ACAN: variants seen among roughly 807,000 people sequenced by gnomAD.
ACAN encodes the protein aggrecan.
In ACAN, 47 loss-of-function variants were observed where a neutral mutation model predicts 169.1. That is an observed-to-expected ratio of 0.28 (90% confidence interval 0.22 to 0.35). The LOEUF is 0.35. ACAN is among the 10% of genes least tolerant of loss of function. The pLI is 1.00. For synonymous variants in ACAN, 1,115 were observed against 1,112.2 expected (o/e 1.00, Z -0.05); for missense variants, 2,716 against 2,759.9 (o/e 0.98, Z 0.36).
chr15:88,834,786 G>A (rs989292172), intron 1 of ACAN, among the ~76,000 whole-genome samples: 2 of 152,172 alleles, frequency 1.3e-5, no homozygotes, highest in Admixed American at 6.5e-5. Context: ...TAGGCCAGCG[G>A]TGCTCCATCT....
At chr15:88,806,154 C>T (rs1236105613) in intron 1 of ACAN, among the ~76,000 whole-genome samples, 6 of 152,258 alleles carry the variant, frequency 3.9e-5, no homozygotes, top group South Asian at 4.1e-4. Flanking sequence ...GAAAATCCTC[C>T]GATAAGAGAT....
intron 1 of ACAN, among the ~76,000 whole-genome samples, chr15:88,828,310 C>A (rs1035440211): frequency 3.2e-4 from 49 of 152,172 alleles, no homozygotes; most frequent in Admixed American, 2.6e-3. Flanking sequence ...GGGGATAAGA[C>A]CCATGCCACA....
intron 1 of ACAN, among the ~76,000 whole-genome samples, chr15:88,825,163 G>A (rs1480155043): frequency 6.6e-6 from 1 of 152,136 alleles, no homozygotes; most frequent in African/African-American, 2.4e-5. Flanking sequence ...GGATCACATG[G>A]GGCCTCACAG....
rs77974129 is a variant in ACAN, at chr15:88,847,821, C to A, written c.1605-90C>A. The stretch of plus-strand genomic sequence containing the variant: ...CAGACAACTGAAGACATCTCCAAGT[C>A]CCTGAGTAGCCTCTGGCCTCAGCCC... On this transcript the variant is annotated intron_variant, in intron 8 of 18. Coordinates refer to ENST00000560601, the MANE Select transcript of ACAN (RefSeq NM_001369268.1). 7,983 of 1,465,334 alleles carry A rather than the reference C, an allele frequency of 5.4e-3. 361 individuals are homozygous for A. The African/African-American group carries it at 0.099, about 18-fold the overall frequency. The allele number at this position is 1,465,334 out of a possible 1,614,324, so 90.8% of individuals were successfully genotyped here.
intron 1 of ACAN, among the ~76,000 whole-genome samples, chr15:88,818,603 A>T (rs1596115928): frequency 6.6e-6 from 1 of 152,210 alleles, no homozygotes; most frequent in African/African-American, 2.4e-5. Context: ...TAGCAAGCCA[A>T]TTAATTTATT....
At position 88,857,341 on chromosome 15, in the gene ACAN, C is replaced by G. The variant is rs1299082487; in HGVS notation, c.4756C>G (p.Leu1586Val). The part of the protein sequence containing the change: ...LETSASGAED[L>V]SGLPSGKEDL... ...GACTTCAGCTTCTGGAGCTGAGGAC[C>G]TCAGTGGGTTGCCTTCTGGAAAAGA... The change falls in exon 12 of 19, where the codon CTC becomes GTC. Residue 1586 changes from leucine (L) to valine (V), a missense_variant. Leu to Val is a conservative substitution (Grantham distance 32). Around this residue, in one of 3 missense-constraint regions of ACAN, gnomAD observed 1,389 missense variants for 1,363.7 expected, o/e 1.02. Coordinates refer to ENST00000560601, the MANE Select transcript of ACAN (RefSeq NM_001369268.1). 1 of 1,613,892 alleles carries G rather than the reference C, an allele frequency of 6.2e-7. No homozygotes were observed. The highest frequency in any genetic ancestry group is 8.5e-7 in the Non-Finnish European group (1 of 1,179,884).
At position 88,836,231 on chromosome 15, in the gene ACAN, G is replaced by A. The variant is rs776631256; in HGVS notation, c.25G>A (p.Val9Met). 45 of 1,613,632 alleles carry A rather than the reference G, an allele frequency of 2.8e-5. No homozygotes were observed. Among genetic ancestry groups the A allele is most frequent in the Middle Eastern group, 1.6e-4 (1 of 6,076 alleles). ...TATGACCACTTTACTCTGGGTTTTC[G>A]TGACTCTGAGGGTCATCACTGCAGC... is the stretch of plus-strand genomic sequence containing the variant. MTTLLWVF[V>M]TLRVITAAVT... The change falls in exon 2 of 19, where the codon GTG becomes ATG. Residue 9 changes from valine to methionine, a missense_variant. Physicochemically the swap from Val to Met is conservative, Grantham distance 21. This residue lies in a region of ACAN where 1,283 missense variants were observed against 1,281.5 expected (regional missense o/e 1.00). Coordinates refer to ENST00000560601, the MANE Select transcript of ACAN (RefSeq NM_001369268.1).
rs758309849 is a variant in ACAN, at chr15:88,874,049, C to G, written c.7630+25C>G. On this transcript the variant is annotated intron_variant, in intron 18 of 18. Coordinates refer to ENST00000560601, the MANE Select transcript of ACAN (RefSeq NM_001369268.1). This position sits in a 1 kb window ranked among gnomAD's most constrained non-coding sequence, Gnocchi z 7.3. ...CGTGAGCATCACCCCGGCCATCTCG[C>G]TGAGCACAGGGTTAGATTCTGCCAG... is the stretch of plus-strand genomic sequence containing the variant. 6.9e-6 allele frequency: 11 copies of G among 1,605,160 alleles called. No individual in the cohort carries two copies. Among genetic ancestry groups the G allele is most frequent in the Non-Finnish European group, 9.3e-6 (11 of 1,179,580 alleles).
Position 88,866,340 on chromosome 15 carries a change from T to G in ACAN, c.6947-1876T>G, listed in dbSNP as rs1186238335. The stretch of plus-strand genomic sequence containing the variant: ...CATTTGCTTAATTCCCCTTGCCCAG[T>G]GCTTCCCATCTCCCATAATGACGCT... On this transcript the variant is annotated intron_variant, in intron 13 of 18. Coordinates refer to ENST00000560601, the MANE Select transcript of ACAN (RefSeq NM_001369268.1). This position sits in a 1 kb window ranked among gnomAD's most constrained non-coding sequence, Gnocchi z 5.6. 6.6e-6 allele frequency among the ~76,000 whole-genome samples: 1 copy of G among 152,154 alleles called. No individual in the cohort carries two copies. The highest frequency in any genetic ancestry group is 1.9e-4 in the East Asian group (1 of 5,182).
In ACAN at chr15:88,872,098, G is replaced by A. The variant is rs1448796613; in HGVS notation, c.7302+13G>A. On this transcript the variant is annotated intron_variant, in intron 16 of 18. Coordinates refer to ENST00000560601, the MANE Select transcript of ACAN (RefSeq NM_001369268.1). The surrounding 1 kb of genome is among the most constrained non-coding windows in gnomAD (Gnocchi z 5.4). ...TGGACACCCCATGGTGAGTTCTGCTGTAGGCACAGCTGGTGGCCCAGGGGA... is the reference window on the plus strand; with the variant it reads ...TGGACACCCCATGGTGAGTTCTGCTATAGGCACAGCTGGTGGCCCAGGGGA... The A allele has an allele frequency of 3.7e-6, 6 of 1,612,514 alleles. No homozygotes were observed. Among genetic ancestry groups the A allele is most frequent in the East Asian group, 2.2e-5 (1 of 44,860 alleles).
rs1044566070 is a variant in ACAN at position 88,871,039 on chromosome 15, G to A, written c.7061-343G>A. 6.6e-6 allele frequency among the ~76,000 whole-genome samples: 1 copy of A among 152,124 alleles called. No homozygotes were observed. Among genetic ancestry groups the A allele is most frequent in the Admixed American group, 6.5e-5 (1 of 15,280 alleles). ...AACCATGTTTTGCCTTAAATCTCAA[G>A]ACCTCTCACCTTCCCACCTCTTTTG... is the stretch of plus-strand genomic sequence containing the variant. On this transcript the variant is annotated intron_variant, in intron 14 of 18. Transcript: ENST00000560601. This position sits in a 1 kb window ranked among gnomAD's most constrained non-coding sequence, Gnocchi z 7.8.
Position 88,861,940 on chromosome 15 carries a change from C to G in ACAN, c.6946+1501C>G, listed in dbSNP as rs1288178247. ...GGGCTTTTGTTCCCACGATTTCTCC[C>G]CAGATGGCTCTGTAAGCAGCTTGGT... On this transcript the variant is annotated intron_variant, in intron 13 of 18. Transcript: ENST00000560601. This position sits in a 1 kb window ranked among gnomAD's most constrained non-coding sequence, Gnocchi z 6.3. 6.6e-6 allele frequency among the ~76,000 whole-genome samples: 1 copy of G among 152,168 alleles called. No homozygotes were observed. The highest frequency in any genetic ancestry group is 1.5e-5 in the Non-Finnish European group (1 of 68,036).
intron 1 of ACAN, among the ~76,000 whole-genome samples, chr15:88,821,596 G>A (rs561622338): frequency 3.4e-4 from 52 of 152,320 alleles, no homozygotes; most frequent in African/African-American, 1.2e-3. Context: ...AGGAGGAAAG[G>A]CAAGAAGTGC....
chr15:88,827,779 C>T (rs1474696053), intron 1 of ACAN, among the ~76,000 whole-genome samples: 2 of 152,196 alleles, frequency 1.3e-5, no homozygotes, highest in East Asian at 1.9e-4. Context: ...AGTCCTACAG[C>T]GTCCTATGCT....
intron 7 of ACAN, 124 bp from the exon 8 acceptor site, chr15:88,847,119 C>A: frequency 2.7e-6 from 3 of 1,092,796 alleles, no homozygotes; most frequent in Non-Finnish European, 3.8e-6. Context: ...GGATTTCAGC[C>A]TGCATTGCCC....
Position 88,834,676 on chromosome 15 carries a change from G to C in ACAN, c.-7-1524G>C, listed in dbSNP as rs548336141. 7.2e-5 allele frequency among the ~76,000 whole-genome samples: 11 copies of C among 152,392 alleles called. 1 individual carries two copies. The South Asian group carries it at 2.1e-3, about 29-fold the overall frequency. On this transcript the variant is annotated intron_variant, in intron 1 of 18. Transcript: ENST00000560601. ...AAACCAAAAGGGGAGGGTAGGTGCT[G>C]ATGCAAGTCCATCCAACAGAACAAC...
At chr15:88,824,784 C>T (rs1036333415) in intron 1 of ACAN, among the ~76,000 whole-genome samples, 1 of 151,840 alleles carries the variant, frequency 6.6e-6, no homozygotes. Context: ...GAGGCTGACG[C>T]AGGAGAATTG....
At chr15:88,831,906 C>A (rs549923766) in intron 1 of ACAN, among the ~76,000 whole-genome samples, 1 of 152,174 alleles carries the variant, frequency 6.6e-6, no homozygotes, top group African/African-American at 2.4e-5. Context: ...AGGCAGGAAG[C>A]AGATTGGACC....
intron 1 of ACAN, among the ~76,000 whole-genome samples, chr15:88,825,234 A>C (rs1896184014): frequency 6.6e-6 from 1 of 152,196 alleles, no homozygotes; most frequent in South Asian, 2.1e-4. Flanking sequence ...CATGAAGTCC[A>C]TAGGCCAAGC....
Sources: gnomAD v4.1 joint callset for allele counts (sites outside exome capture counted in the v4.1 genomes callset) on GRCh38, gnomAD v4.1.1 for gene constraint, gnomAD v4.1.1 regional missense constraint, Gnocchi (gnomAD v3.1) non-coding constraint, MANE v1.5 for transcripts, NCBI Gene and HGNC (gene_info 2026-07-23, HGNC 2026-07-21) for gene names.